GPAM: variants seen among roughly 807,000 people sequenced by gnomAD.
GPAM encodes glycerol-3-phosphate acyltransferase 1, mitochondrial.
GPAM carries 56 observed loss-of-function variants against 105.0 expected under a neutral mutation model. The ratio of observed to expected loss-of-function variants is 0.53; its 90% CI spans 0.43 to 0.67. The LOEUF (loss-of-function observed/expected upper bound fraction) is 0.67, where lower values mean the gene tolerates loss of function less well. GPAM is among the 30% of genes least tolerant of loss of function. The probability of loss-of-function intolerance (pLI) is 0.00; values close to 1 mark genes in which losing one functional copy is unlikely to be tolerated. For synonymous variants in GPAM, 368 were observed against 354.4 expected, an observed-to-expected ratio of 1.04 and a Z score of -0.43; for missense variants, 855 against 989.8, an observed-to-expected ratio of 0.86 and a Z score of 1.83.
In GPAM at chr10:112,152,219, C is replaced by T. The variant is rs143186717; in HGVS notation, c.*1331G>A. Reference sequence around the variant, plus strand: ...TCCATAATATCTTGGAGATAAGCAACAGTAAACTGTTAGAAAACGTTTTAA... The same window carrying T: ...TCCATAATATCTTGGAGATAAGCAATAGTAAACTGTTAGAAAACGTTTTAA... On this transcript the variant is annotated 3_prime_UTR_variant, in exon 22 of 22. Coordinates refer to ENST00000348367, the MANE Select transcript of GPAM (RefSeq NM_001244949.2). 7.2e-5 allele frequency: 70 copies of T among 976,906 alleles called. No homozygotes were observed. Among genetic ancestry groups the T allele is most frequent in the Non-Finnish European group, 8.3e-5 (68 of 822,390 alleles). 60.5% of individuals were successfully genotyped at this position (976,906 alleles called of 1,614,324 possible). A position where few individuals can be genotyped will look rare whatever the true frequency, so the allele number is the denominator to read the frequency against.
At chr10:112,209,094 G>A (rs1847882503) in intron 1 of GPAM, among the ~76,000 whole-genome samples, 1 of 152,188 alleles carries the variant, frequency 6.6e-6, no homozygotes, top group African/African-American at 2.4e-5. Context: ...CTGCTCTATG[G>A]TCCGGTCACA....
At chr10:112,179,845 G>A (rs1589596991) in intron 4 of GPAM, among the ~76,000 whole-genome samples, 1 of 152,242 alleles carries the variant, frequency 6.6e-6, no homozygotes, top group East Asian at 1.9e-4. Context: ...TTGTTCCTGT[G>A]CTAATTTGTC....
rs762656861 is a variant in GPAM at position 112,149,924 on chromosome 10, C to A, written c.*3626G>T. On this transcript the variant is annotated 3_prime_UTR_variant, in exon 22 of 22. Transcript: ENST00000348367. Reference sequence around the variant, plus strand: ...CATTTTCTGTGTTTCTTGCAATACACTAACAAGCATAAAAATCAATCAGCA... The same window carrying A: ...CATTTTCTGTGTTTCTTGCAATACAATAACAAGCATAAAAATCAATCAGCA... 8.5e-5 allele frequency: 84 copies of A among 985,566 alleles called. No individual in the cohort carries two copies. Among genetic ancestry groups the A allele is most frequent in the Non-Finnish European group, 9.2e-5 (76 of 829,774 alleles). 61.1% of individuals were successfully genotyped at this position (985,566 alleles called of 1,614,324 possible).
At chr10:112,162,094 C>T (rs1346814360) in intron 14 of GPAM, among the ~76,000 whole-genome samples, 1 of 152,204 alleles carries the variant, frequency 6.6e-6, no homozygotes, top group African/African-American at 2.4e-5. Context: ...TATTCCTTTA[C>T]TTGCTCCCAC....
chr10:112,222,914 C>A, the GPAM span, among the ~76,000 whole-genome samples: 1 of 152,016 alleles, frequency 6.6e-6, no homozygotes, highest in African/African-American at 2.4e-5. Flanking sequence ...TTCAAGAGAA[C>A]CTTCTGCAGG....
intron 11 of GPAM, among the ~76,000 whole-genome samples, chr10:112,166,734 C>A (rs1439061742): frequency 6.6e-6 from 1 of 152,112 alleles, no homozygotes; most frequent in African/African-American, 2.4e-5. Flanking sequence ...GGAATTCAGT[C>A]AATGAAAAAC....
At chr10:112,202,422 TGTTCA>T (rs1847808589) in intron 1 of GPAM, among the ~76,000 whole-genome samples, 1 of 152,232 alleles carries the variant, frequency 6.6e-6, no homozygotes, top group Non-Finnish European at 1.5e-5. Flanking sequence ...ATGTGTACTA[TGTTCA>T]TGGTAAGCCC....
the GPAM span, among the ~76,000 whole-genome samples, chr10:112,222,229 T>C: frequency 6.6e-6 from 1 of 152,200 alleles, no homozygotes; most frequent in Non-Finnish European, 1.5e-5. Context: ...AAGAAAAGAC[T>C]TCCTTCCTAC....
chr10:112,179,919 T>C (rs1386554314), intron 4 of GPAM, among the ~76,000 whole-genome samples: 2 of 152,170 alleles, frequency 1.3e-5, no homozygotes, highest in African/African-American at 4.8e-5. Context: ...AAGACTGCAC[T>C]GTAATGCAAA....
chr10:112,194,518 A>G (rs1847700337), intron 1 of GPAM, among the ~76,000 whole-genome samples: 1 of 152,250 alleles, frequency 6.6e-6, no homozygotes, highest in Non-Finnish European at 1.5e-5. Flanking sequence ...TGGTTCTTAA[A>G]AGATACTGTC....
intron 1 of GPAM, among the ~76,000 whole-genome samples, chr10:112,200,339 G>A (rs1348870339): frequency 1.3e-5 from 2 of 151,724 alleles, no homozygotes; most frequent in African/African-American, 4.8e-5. Context: ...CGAGATTGGA[G>A]TGCAGTGGCA....
chr10:112,217,047 T>C (rs11195842), upstream of GPAM, among the ~76,000 whole-genome samples: 1,694 of 152,258 alleles, frequency 0.011, 28 homozygotes, highest in African/African-American at 0.038. Flanking sequence ...AGCGTATATA[T>C]AGTTCAGTGA....
intron 1 of GPAM, among the ~76,000 whole-genome samples, chr10:112,183,287 G>A (rs1847540884): frequency 6.6e-6 from 1 of 152,222 alleles, no homozygotes; most frequent in Non-Finnish European, 1.5e-5. Context: ...AACACACAGT[G>A]AGCGCTCAGT....
At chr10:112,208,480 G>A (rs1195835539) in intron 1 of GPAM, among the ~76,000 whole-genome samples, 1 of 152,164 alleles carries the variant, frequency 6.6e-6, no homozygotes, top group Non-Finnish European at 1.5e-5. Flanking sequence ...GAAAACAGTA[G>A]TTTCTATTTA....
At chr10:112,166,200 A>G (rs548768664) in intron 12 of GPAM, among the ~76,000 whole-genome samples, 1 of 152,322 alleles carries the variant, frequency 6.6e-6, no homozygotes, top group South Asian at 2.1e-4. Context: ...ATATCTCCCA[A>G]AAACAGATAC....
chr10:112,152,987 G>A lies in GPAM; in HGVS notation c.*563C>T, dbSNP rs1349009211. On this transcript the variant is annotated 3_prime_UTR_variant, in exon 22 of 22. Coordinates refer to ENST00000348367, the MANE Select transcript of GPAM (RefSeq NM_001244949.2). ...AAGGACAGCACAGTGATACCTGGGT[G>A]TGATATATATCAGTCCACTCAATTT... 1 of 262,074 alleles carries A rather than the reference G, an allele frequency of 3.8e-6. No homozygotes were observed. Among genetic ancestry groups the A allele is most frequent in the Non-Finnish European group, 6.0e-6 (1 of 167,256 alleles). The allele number at this position is 262,074 out of a possible 1,614,324, so 16.2% of individuals were successfully genotyped here.
At chr10:112,205,036 G>A (rs1220870916) in intron 1 of GPAM, among the ~76,000 whole-genome samples, 1 of 19,396 alleles carries the variant, frequency 5.2e-5, no homozygotes, top group East Asian at 1.1e-3. Context: ...GACAAACAGA[G>A]AGCCAAATCA....
chr10:112,173,135 C>T (rs1589591730), intron 7 of GPAM, 69 bp from the exon 8 acceptor site: 3 of 884,756 alleles, frequency 3.4e-6, no homozygotes, highest in East Asian at 2.5e-5. Flanking sequence ...CAAGCACATA[C>T]AGTTGACTTC....
chr10:112,154,537 G>A (rs867986988), intron 21 of GPAM, 92 bp downstream of exon 21: 3 of 943,198 alleles, frequency 3.2e-6, no homozygotes, highest in Non-Finnish European at 5.2e-6. Flanking sequence ...TTCTCTCGGG[G>A]TCCACCCCAC....
Sources: gnomAD v4.1 joint callset for allele counts (sites outside exome capture counted in the v4.1 genomes callset) on GRCh38, gnomAD v4.1.1 for gene constraint, MANE v1.5 for transcripts, NCBI Gene and HGNC (gene_info 2026-07-23, HGNC 2026-07-21) for gene names.